Variants in PCDHA4 observed in about 807,000 individuals in gnomAD.
PCDHA4 encodes protocadherin alpha-4.
A neutral mutation model predicts 61.4 loss-of-function variants in PCDHA4; 49 were observed. The observed-to-expected ratio is 0.80, with a 90% CI of 0.63 to 1.01. The LOEUF (loss-of-function observed/expected upper bound fraction) is 1.01, where lower values mean the gene tolerates loss of function less well. PCDHA4 is among the 50% of genes least tolerant of loss of function. The pLI, the probability that PCDHA4 is intolerant of heterozygous loss-of-function variation, is 0.00. For synonymous variants in PCDHA4, 590 were observed against 550.3 expected, an observed-to-expected ratio of 1.07 and a Z score of -1.01; for missense variants, 1,254 against 1,235.8, an observed-to-expected ratio of 1.01 and a Z score of -0.22.
At chr5:141,001,303 A>G (rs2098006866) in intron 3 of PCDHA4, among the ~76,000 whole-genome samples, 2 of 152,182 alleles carry the variant, frequency 1.3e-5, no homozygotes, top group Admixed American at 1.3e-4. Context: ...GCCCAGAGAT[A>G]TGAAATAATT....
intron 1 of PCDHA4, chr5:140,929,266 C>T (rs1333907609): frequency 6.2e-7 from 1 of 1,611,352 alleles, no homozygotes; most frequent in Middle Eastern, 1.7e-4. Flanking sequence ...ACTGAATTTG[C>T]CAATATCCTG....
chr5:140,946,387 T>C (rs1168775484), intron 1 of PCDHA4, among the ~76,000 whole-genome samples: 3 of 151,786 alleles, frequency 2.0e-5, no homozygotes, highest in African/African-American at 7.3e-5. Context: ...TTGGTAGGAA[T>C]GTAAATTAGT....
rs2150134564 is a variant in PCDHA4, at chr5:140,824,459, A to C, written c.2385+14887A>C. 13 of 431,516 alleles carry C rather than the reference A, an allele frequency of 3.0e-5. No individual in the cohort carries two copies. The Middle Eastern group carries it at 1.8e-3, about 61-fold the overall frequency. The allele number at this position is 431,516 out of a possible 1,614,324, so 26.7% of individuals were successfully genotyped here. ...TCAGTTTATGACTACATGAAAATTT[A>C]TTTTATTTTATTGTTATTTTTTAGA... On this transcript the variant is annotated intron_variant, in intron 1 of 3. Transcript: ENST00000530339.
chr5:140,821,566 A>G lies in PCDHA4; in HGVS notation c.2385+11994A>G, dbSNP rs2150109889. ...TTTCATCCACATGATGTCGCTGGACACCGGAAGGTTTTTCTCCCTTCCCAG... is the reference window on the plus strand; with the variant it reads ...TTTCATCCACATGATGTCGCTGGACGCCGGAAGGTTTTTCTCCCTTCCCAG... On this transcript the variant is annotated intron_variant, in intron 1 of 3. Coordinates refer to ENST00000530339, the MANE Select transcript of PCDHA4 (RefSeq NM_018907.4). 3 of 537,642 alleles carry G rather than the reference A, an allele frequency of 5.6e-6. No homozygotes were observed. The South Asian group carries it at 1.0e-4, about 18-fold the overall frequency. The allele number at this position is 537,642 out of a possible 1,614,324, so 33.3% of individuals were successfully genotyped here. A position where few individuals can be genotyped will look rare whatever the true frequency, so the allele number is the denominator to read the frequency against.
At position 140,966,988 on chromosome 5, in the gene PCDHA4, G is replaced by C. The variant is rs782004679; in HGVS notation, c.2386-11961G>C. 1.2e-5 allele frequency: 20 copies of C among 1,603,962 alleles called. No homozygotes were observed. The African/African-American group carries it at 2.1e-4, about 17-fold the overall frequency. Reference sequence around the variant, plus strand: ...GGCTTGAGCTGCGGCGCTTGGGGCCGGGTTGCTTGCGCATCAACCATCTGG... The same window carrying C: ...GGCTTGAGCTGCGGCGCTTGGGGCCCGGTTGCTTGCGCATCAACCATCTGG... On this transcript the variant is annotated intron_variant, in intron 1 of 3. Transcript: ENST00000530339.
At position 140,842,145 on chromosome 5, in the gene PCDHA4, G is replaced by A. The variant is rs2150330392; in HGVS notation, c.2385+32573G>A. On this transcript the variant is annotated intron_variant, in intron 1 of 3. Coordinates refer to ENST00000530339, the MANE Select transcript of PCDHA4 (RefSeq NM_018907.4). ...TCTGATCCGGATGAAGGAGCCAATGGGGCAATTTCATATTCTTTTAATAGC... is the reference window on the plus strand; with the variant it reads ...TCTGATCCGGATGAAGGAGCCAATGAGGCAATTTCATATTCTTTTAATAGC... The A allele has an allele frequency of 3.8e-5, 62 of 1,613,828 alleles. 1 individual carries two copies. The East Asian group carries it at 1.3e-3, about 35-fold the overall frequency.
chr5:140,893,863 A>G (rs568224949), intron 1 of PCDHA4, among the ~76,000 whole-genome samples: 1 of 152,300 alleles, frequency 6.6e-6, no homozygotes, highest in African/African-American at 2.4e-5. Context: ...GTATAGAAAC[A>G]ACCCAGATCC....
intron 3 of PCDHA4, among the ~76,000 whole-genome samples, chr5:141,006,649 G>A (rs1377970510): frequency 2.6e-5 from 4 of 152,176 alleles, no homozygotes; most frequent in Admixed American, 2.0e-4. Context: ...AGAGATGATG[G>A]TGTCCTGAAA....
chr5:140,864,184 A>T (rs2153225198), intron 1 of PCDHA4: 1 of 152,304 alleles, frequency 6.6e-6, no homozygotes, highest in East Asian at 1.9e-4. Context: ...ATGATGAATA[A>T]TGATCCTTAT....
intron 1 of PCDHA4, chr5:140,855,790 T>G: frequency 2.3e-6 from 1 of 441,252 alleles, no homozygotes; most frequent in East Asian, 3.4e-5. Context: ...AAAAAAGAAT[T>G]AACATATGAA....
chr5:140,870,132 C>G (rs371110623), intron 1 of PCDHA4: 2 of 1,613,970 alleles, frequency 1.2e-6, no homozygotes, highest in East Asian at 2.2e-5. Flanking sequence ...TGGACACCAA[C>G]GATAACTCTC....
intron 1 of PCDHA4, chr5:140,967,345 CGAGCTG>C (rs1443872198): frequency 1.2e-6 from 2 of 1,607,634 alleles, no homozygotes; most frequent in Non-Finnish European, 1.7e-6. Context: ...GCGAGCACTT[CGAGCTG>C]GACCTTAAGC....
intron 1 of PCDHA4, among the ~76,000 whole-genome samples, chr5:140,973,624 A>G (rs2096595807): frequency 6.6e-6 from 1 of 152,204 alleles, no homozygotes; most frequent in African/African-American, 2.4e-5. Flanking sequence ...CTGTTTCTGT[A>G]TCTTGTACAC....
chr5:140,812,099 T>G (rs1456552720), intron 1 of PCDHA4: 4 of 152,060 alleles, frequency 2.6e-5, no homozygotes, highest in African/African-American at 9.7e-5. Flanking sequence ...TTGATTCTTC[T>G]TTAAAAGTTT....
At chr5:140,848,870 C>T (rs2040645245) in intron 1 of PCDHA4, 1 of 1,590,634 alleles carries the variant, frequency 6.3e-7, no homozygotes, top group African/African-American at 1.4e-5. Flanking sequence ...AGGTGAAGGA[C>T]ATTAACGACA....
intron 1 of PCDHA4, among the ~76,000 whole-genome samples, chr5:140,900,826 A>G (rs1554189460): frequency 2.0e-5 from 3 of 152,224 alleles, no homozygotes. Flanking sequence ...CATTCCCACC[A>G]ACAATGTACA....
intron 1 of PCDHA4, among the ~76,000 whole-genome samples, chr5:140,840,577 G>A (rs185474153): frequency 6.6e-6 from 1 of 151,966 alleles, no homozygotes; most frequent in Non-Finnish European, 1.5e-5. Flanking sequence ...GCATGTCAGA[G>A]AAATCATAAA....
intron 1 of PCDHA4, chr5:140,830,053 C>G (rs782097929): frequency 6.2e-7 from 1 of 1,613,734 alleles, no homozygotes; most frequent in Admixed American, 1.7e-5. Flanking sequence ...TGAAAGACCA[C>G]GGTGAGCCGG....
chr5:140,938,406 T>A (rs1283027205), intron 1 of PCDHA4, among the ~76,000 whole-genome samples: 1 of 152,240 alleles, frequency 6.6e-6, no homozygotes, highest in African/African-American at 2.4e-5. Context: ...ATTGTTTGAT[T>A]GGGTTTATTT....
Sources: allele counts gnomAD v4.1 joint callset (sites outside exome capture counted in the v4.1 genomes callset), GRCh38; gene constraint gnomAD v4.1.1; transcripts MANE v1.5; gene names NCBI Gene and HGNC (gene_info 2026-07-23, HGNC 2026-07-21).